Variants in LIMS1 observed in about 807,000 individuals in gnomAD.
LIMS1 encodes LIM zinc finger domain containing 1.
In LIMS1, 18 loss-of-function variants were observed where a neutral mutation model predicts 44.1. The observed-to-expected ratio is 0.41, with a 90% CI of 0.28 to 0.61. LIMS1 has a LOEUF of 0.61. Ranked by LOEUF, LIMS1 falls within the 20% of genes least tolerant of loss-of-function variation. The pLI is 0.32. For missense variants in LIMS1, 201 were observed against 422.0 expected, an observed-to-expected ratio of 0.48 and a Z score of 4.59; for synonymous variants, 93 against 149.1, an observed-to-expected ratio of 0.62 and a Z score of 2.74.
At position 108,679,281 on chromosome 2, in the gene LIMS1, G is replaced by C. The variant is rs186696849; in HGVS notation, c.823+1254G>C. On this transcript the variant is annotated intron_variant, in intron 8 of 9. Coordinates refer to ENST00000544547, the Ensembl canonical transcript of LIMS1. ...ATCAACTGAGGTCAAGAGTTCAAGA[G>C]CAGTCTGGCCAACATGGTGAAACCC... Among the ~76,000 whole-genome samples, 29 of 151,460 alleles carry C rather than the reference G, an allele frequency of 1.9e-4. No individual in the cohort carries two copies. The East Asian group carries it at 2.1e-3, about 11-fold the overall frequency.
chr2:108,646,938 G>A (rs1049949583), intron 1 of LIMS1, among the ~76,000 whole-genome samples: 8 of 152,114 alleles, frequency 5.3e-5, no homozygotes, highest in Admixed American at 3.3e-4. Context: ...AGCCAGGATG[G>A]TCTCGATCTC....
chr2:108,684,726 A>G (rs1331148519), exon 10 of LIMS1: 1 of 152,114 alleles, frequency 6.6e-6, no homozygotes, highest in African/African-American at 2.4e-5. Context: ...TATACTTTAC[A>G]ATATTGGAAA....
chr2:108,667,551 A>AAATATATATATATAT (rs765279788), intron 2 of LIMS1, among the ~76,000 whole-genome samples: 4 of 130,472 alleles, frequency 3.1e-5, no homozygotes, highest in African/African-American at 1.1e-4. Context: ...AAAAAAAAAA[A>AAATATATATATATAT]ATATATATAT....
At chr2:108,544,602 C>T (rs1209902367) in intron 1 of LIMS1, among the ~76,000 whole-genome samples, 1 of 152,168 alleles carries the variant, frequency 6.6e-6, no homozygotes, top group East Asian at 1.9e-4. Context: ...TCAAGCGATT[C>T]TCCTGCCTCA....
intron 1 of LIMS1, among the ~76,000 whole-genome samples, chr2:108,551,931 G>A (rs866961336): frequency 0.039 from 4,790 of 122,920 alleles, 118 homozygotes; most frequent in South Asian, 0.14. Flanking sequence ...GTGTATATAT[G>A]TGTGTGTGTG....
intron 2 of LIMS1, among the ~76,000 whole-genome samples, chr2:108,661,647 G>C (rs1259196431): frequency 1.3e-5 from 2 of 152,124 alleles, no homozygotes; most frequent in Admixed American, 1.3e-4. Context: ...GAAATCCCTA[G>C]GTGCTGCGGC....
chr2:108,642,882 C>T (rs1246420004), intron 1 of LIMS1, among the ~76,000 whole-genome samples: 1 of 152,168 alleles, frequency 6.6e-6, no homozygotes, highest in African/African-American at 2.4e-5. Flanking sequence ...AGCTTTACAG[C>T]CTTCTTTACA....
chr2:108,598,639 A>G (rs1225881773), intron 1 of LIMS1, among the ~76,000 whole-genome samples: 1 of 152,154 alleles, frequency 6.6e-6, no homozygotes, highest in Admixed American at 6.5e-5. Context: ...GGCCAGGCAG[A>G]TGTGTGCCAG....
At position 108,686,631 on chromosome 2, in the gene LIMS1, C is replaced by T. The variant is rs532517347; in HGVS notation, c.*2632C>T. On this transcript the variant is annotated 3_prime_UTR_variant, in exon 10 of 10. Transcript: ENST00000544547. ...CTAAAAATACAAAAAAAAACATTAG[C>T]CAGGCGTGGTGGCGGGCGCTTGTAG... The T allele has an allele frequency of 3.5e-3, 538 of 152,060 alleles. 2 individuals are homozygous for T. Among genetic ancestry groups the T allele is most frequent in the Non-Finnish European group, 5.7e-3 (389 of 68,086 alleles). The allele number at this position is 152,060 out of a possible 1,614,324, so 9.4% of individuals were successfully genotyped here.
intron 8 of LIMS1, among the ~76,000 whole-genome samples, chr2:108,679,922 GCT>G (rs778698694): frequency 1.3e-5 from 2 of 151,664 alleles, no homozygotes; most frequent in Non-Finnish European, 2.9e-5. Flanking sequence ...AAGAAAAGAA[GCT>G]CTCAGGAAAG....
At chr2:108,642,493 G>A (rs1158708327) in intron 1 of LIMS1, among the ~76,000 whole-genome samples, 1 of 151,300 alleles carries the variant, frequency 6.6e-6, no homozygotes, top group Admixed American at 6.6e-5. Context: ...CCGAGTAGCT[G>A]GGACTACAGG....
chr2:108,568,250 A>G (rs1685362044), intron 1 of LIMS1, among the ~76,000 whole-genome samples: 1 of 152,178 alleles, frequency 6.6e-6, no homozygotes, highest in African/African-American at 2.4e-5. Flanking sequence ...AAGATTTCCT[A>G]TACTTTAGAT....
chr2:108,579,148 G>GT (rs1374120668), intron 1 of LIMS1, among the ~76,000 whole-genome samples: 1 of 151,896 alleles, frequency 6.6e-6, no homozygotes, highest in African/African-American at 2.4e-5. Flanking sequence ...TCCAAATTTT[G>GT]TAACAAAAAC....
intron 1 of LIMS1, among the ~76,000 whole-genome samples, chr2:108,587,450 G>A (rs746971672): frequency 9.2e-5 from 14 of 151,650 alleles, no homozygotes; most frequent in African/African-American, 3.2e-4. Context: ...CTCCTATGTC[G>A]GCCTCCCAGA....
intron 2 of LIMS1, among the ~76,000 whole-genome samples, chr2:108,668,508 C>T (rs947942006): frequency 1.3e-5 from 2 of 152,180 alleles, no homozygotes; most frequent in African/African-American, 2.4e-5. Context: ...TAATGTCCTA[C>T]AGGTTCATCC....
intron 1 of LIMS1, among the ~76,000 whole-genome samples, chr2:108,578,310 T>C (rs1685745906): frequency 6.6e-6 from 1 of 152,234 alleles, no homozygotes; most frequent in Non-Finnish European, 1.5e-5. Flanking sequence ...TAAGAGCTTA[T>C]TAGCATGTGT....
At chr2:108,562,341 G>A (rs1283174925) in intron 1 of LIMS1, among the ~76,000 whole-genome samples, 1 of 152,186 alleles carries the variant, frequency 6.6e-6, no homozygotes, top group Non-Finnish European at 1.5e-5. Context: ...TAGTGAGGAA[G>A]GCATGTTGAA....
chr2:108,638,790 T>C (rs1229510573), intron 1 of LIMS1, among the ~76,000 whole-genome samples: 1 of 151,140 alleles, frequency 6.6e-6, no homozygotes, highest in Non-Finnish European at 1.5e-5. Flanking sequence ...ACGCCTGTAA[T>C]CCCAGCACTT....
At chr2:108,634,538 C>A (rs1436820892) in intron 1 of LIMS1, among the ~76,000 whole-genome samples, 1 of 152,242 alleles carries the variant, frequency 6.6e-6, no homozygotes, top group African/African-American at 2.4e-5. Flanking sequence ...CCTCCCAAGG[C>A]TGGCTTTCAG....
Sources: allele counts gnomAD v4.1 joint callset (sites outside exome capture counted in the v4.1 genomes callset), GRCh38; gene constraint gnomAD v4.1.1; transcripts MANE v1.5; gene names NCBI Gene and HGNC (gene_info 2026-07-23, HGNC 2026-07-21).